The following CSMD3 variants were observed in gnomAD, a reference collection of about 807,000 sequenced individuals.
CSMD3 encodes CUB and sushi domain-containing protein 3.
Under a neutral mutation model 435.2 loss-of-function variants are expected in CSMD3, and 177 were observed. The observed-to-expected ratio is 0.41, with a 90% confidence interval of 0.36 to 0.46. The LOEUF (loss-of-function observed/expected upper bound fraction) is 0.46. CSMD3 is among the 20% of genes least tolerant of loss of function. The pLI is 0.34. For synonymous variants in CSMD3, 1,656 were observed against 1,520.5 expected (o/e 1.09, Z -2.07); for missense variants, 4,265 against 4,504.6 (o/e 0.95, Z 1.52).
chr8:112,232,787 A>G (rs1236288494), intron 68 of CSMD3, among the ~76,000 whole-genome samples: 2 of 152,174 alleles, frequency 1.3e-5, no homozygotes, highest in Non-Finnish European at 2.9e-5. Flanking sequence ...TTTGAGAATC[A>G]CAGCTTATTT....
chr8:113,425,883 C>A (rs2094633324), intron 1 of CSMD3, among the ~76,000 whole-genome samples: 1 of 151,512 alleles, frequency 6.6e-6, no homozygotes, highest in South Asian at 2.1e-4. Flanking sequence ...CACAAATTAG[C>A]AGCCTGGATG....
chr8:113,271,764 A>G (rs2093529498), intron 3 of CSMD3, among the ~76,000 whole-genome samples: 1 of 152,176 alleles, frequency 6.6e-6, no homozygotes, highest in African/African-American at 2.4e-5. Flanking sequence ...ACCATCATCC[A>G]GACCACAGAA....
chr8:112,451,827 A>G (rs1435291072), intron 32 of CSMD3, among the ~76,000 whole-genome samples: 1 of 152,166 alleles, frequency 6.6e-6, no homozygotes, highest in Non-Finnish European at 1.5e-5. Flanking sequence ...CATGAGCCAC[A>G]GCGCCTGGCC....
At chr8:112,355,559 C>T (rs980143271) in intron 38 of CSMD3, among the ~76,000 whole-genome samples, 1 of 152,104 alleles carries the variant, frequency 6.6e-6, no homozygotes, top group Non-Finnish European at 1.5e-5. Context: ...CAAGGCCGTG[C>T]GTGGTGGCTC....
chr8:113,071,070 T>A (rs747627332), intron 5 of CSMD3, among the ~76,000 whole-genome samples: 1 of 152,016 alleles, frequency 6.6e-6, no homozygotes, highest in Non-Finnish European at 1.5e-5. Context: ...TGGTGAGTAG[T>A]GATGTCGAGT....
intron 13 of CSMD3, among the ~76,000 whole-genome samples, chr8:112,756,055 A>C (rs1549354): frequency 6.6e-6 from 1 of 151,828 alleles, no homozygotes; most frequent in Non-Finnish European, 1.5e-5. Flanking sequence ...GGAATTAAGA[A>C]CTGCAAACTA....
intron 24 of CSMD3, among the ~76,000 whole-genome samples, chr8:112,570,940 C>T (rs1051779203): frequency 1.3e-5 from 2 of 152,086 alleles, no homozygotes; most frequent in African/African-American, 4.8e-5. Flanking sequence ...ACTCTCTTCC[C>T]ACTTCTGTAG....
intron 34 of CSMD3, among the ~76,000 whole-genome samples, chr8:112,407,582 G>A (rs1235364831): frequency 6.6e-6 from 1 of 151,934 alleles, no homozygotes; most frequent in East Asian, 1.9e-4. Flanking sequence ...GTTTCCAGGG[G>A]GAAGTACTAC....
At chr8:112,519,533 A>T (rs1824058175) in intron 27 of CSMD3, among the ~76,000 whole-genome samples, 1 of 152,176 alleles carries the variant, frequency 6.6e-6, no homozygotes, top group South Asian at 2.1e-4. Flanking sequence ...ACAGATGTAG[A>T]CTGTACTCCT....
At chr8:112,614,898 T>C (rs770257888) in intron 22 of CSMD3, among the ~76,000 whole-genome samples, 44 of 152,240 alleles carry the variant, frequency 2.9e-4, no homozygotes, top group Non-Finnish European at 5.4e-4. Flanking sequence ...GTTTAAGTTT[T>C]TGAACTACTC....
At chr8:112,786,719 A>G (rs1248681138) in intron 13 of CSMD3, among the ~76,000 whole-genome samples, 3 of 152,062 alleles carry the variant, frequency 2.0e-5, no homozygotes, top group Admixed American at 2.0e-4. Context: ...GTGAGATATC[A>G]TGTCACTCTG....
At chr8:113,326,732 C>T (rs756673745) in intron 1 of CSMD3, among the ~76,000 whole-genome samples, 1 of 152,006 alleles carries the variant, frequency 6.6e-6, no homozygotes, top group Non-Finnish European at 1.5e-5. Context: ...CCACTGTGTC[C>T]TTCTGATTTT....
intron 22 of CSMD3, among the ~76,000 whole-genome samples, chr8:112,605,807 G>GT (rs1832748583): frequency 6.6e-6 from 1 of 151,988 alleles, no homozygotes; most frequent in African/African-American, 2.4e-5. Flanking sequence ...AAAAATACCT[G>GT]TTTTCACGGC....
At chr8:112,781,868 T>G (rs1423404872) in intron 13 of CSMD3, among the ~76,000 whole-genome samples, 11 of 152,188 alleles carry the variant, frequency 7.2e-5, no homozygotes, top group Admixed American at 5.2e-4. Context: ...ATAGCGTTAC[T>G]GGGCTTGGGG....
intron 4 of CSMD3, among the ~76,000 whole-genome samples, chr8:113,141,132 T>C (rs1329007731): frequency 6.6e-6 from 1 of 150,748 alleles, no homozygotes; most frequent in African/African-American, 2.4e-5. Flanking sequence ...AACTGTAAAA[T>C]ATGAAATTGT....
At chr8:112,839,438 C>T (rs1163557098) in intron 11 of CSMD3, among the ~76,000 whole-genome samples, 1 of 151,664 alleles carries the variant, frequency 6.6e-6, no homozygotes, top group Non-Finnish European at 1.5e-5. Context: ...GGTTCCTTTC[C>T]ATCATTTATT....
At chr8:113,060,790 T>TA (rs2088579077) in intron 5 of CSMD3, among the ~76,000 whole-genome samples, 1 of 152,074 alleles carries the variant, frequency 6.6e-6, no homozygotes, top group Non-Finnish European at 1.5e-5. Flanking sequence ...AAAACTCAGT[T>TA]AAAAAATTGG....
intron 1 of CSMD3, among the ~76,000 whole-genome samples, chr8:113,381,643 A>G (rs1472835420): frequency 6.6e-6 from 1 of 152,184 alleles, no homozygotes; most frequent in East Asian, 1.9e-4. Flanking sequence ...GGTGATGAAG[A>G]AAACAAAAGG....
intron 1 of CSMD3, among the ~76,000 whole-genome samples, chr8:113,397,225 A>G (rs1296646819): frequency 6.6e-6 from 1 of 152,182 alleles, no homozygotes; most frequent in Non-Finnish European, 1.5e-5. Flanking sequence ...GGTAAAAGGT[A>G]TCTCCATCTT....
Sources: gnomAD v4.1 joint callset for allele counts (sites outside exome capture counted in the v4.1 genomes callset) on GRCh38, gnomAD v4.1.1 for gene constraint, MANE v1.5 for transcripts, NCBI Gene and HGNC (gene_info 2026-07-23, HGNC 2026-07-21) for gene names.